COL13A1: variants seen among roughly 807,000 people sequenced by gnomAD.
The protein encoded by COL13A1 is collagen alpha-1(XIII) chain.
COL13A1 carries 89 observed loss-of-function variants against 130.9 expected under a neutral mutation model. The observed-to-expected ratio is 0.68, with a 90% CI of 0.57 to 0.81. The LOEUF (loss-of-function observed/expected upper bound fraction) is 0.81, where lower values mean the gene tolerates loss of function less well. Ranked by LOEUF, COL13A1 falls within the 30% of genes least tolerant of loss-of-function variation. The probability of loss-of-function intolerance (pLI) is 0.00; values close to 1 mark genes in which losing one functional copy is unlikely to be tolerated. For missense variants in COL13A1, 879 were observed against 934.6 expected, an observed-to-expected ratio of 0.94 and a Z score of 0.78; for synonymous variants, 402 against 341.6, an observed-to-expected ratio of 1.18 and a Z score of -1.95.
At chr10:69,936,857 AC>A in intron 33 of COL13A1, 75 bp downstream of exon 33, 1 of 1,587,266 alleles carries the variant, frequency 6.3e-7, no homozygotes, top group Non-Finnish European at 8.6e-7. Flanking sequence ...AGACCAGCTG[AC>A]CCTTTTTCCT....
chr10:69,881,201 C>T (rs770916544), intron 7 of COL13A1, among the ~76,000 whole-genome samples: 2 of 152,164 alleles, frequency 1.3e-5, no homozygotes, highest in Non-Finnish European at 2.9e-5. Flanking sequence ...CCCTGAACCA[C>T]GGGGCTTTAA....
chr10:69,852,804 G>A (rs1855287221), intron 2 of COL13A1, among the ~76,000 whole-genome samples: 1 of 152,248 alleles, frequency 6.6e-6, no homozygotes, highest in African/African-American at 2.4e-5. Flanking sequence ...GGGCAAAACT[G>A]GCAAACCCTT....
At chr10:69,828,800 A>G (rs1848129545) in intron 2 of COL13A1, among the ~76,000 whole-genome samples, 1 of 152,226 alleles carries the variant, frequency 6.6e-6, no homozygotes, top group African/African-American at 2.4e-5. Flanking sequence ...ACCCACTGGG[A>G]CAAGTAATTT....
intron 15 of COL13A1, among the ~76,000 whole-genome samples, chr10:69,903,231 T>A (rs1208384388): frequency 2.0e-5 from 3 of 152,102 alleles, no homozygotes; most frequent in Non-Finnish European, 4.4e-5. Context: ...TAGTGAGGGG[T>A]CATCCAACTA....
chr10:69,810,518 G>A (rs543237613), intron 1 of COL13A1, among the ~76,000 whole-genome samples: 3 of 152,182 alleles, frequency 2.0e-5, no homozygotes, highest in African/African-American at 7.2e-5. Flanking sequence ...AAAAGTCTCC[G>A]TGTGCACTGG....
chr10:69,887,333 G>T, intron 7 of COL13A1, 123 bp from the exon 8 acceptor site: 1 of 945,904 alleles, frequency 1.1e-6, no homozygotes, highest in South Asian at 1.5e-5. Context: ...ACCACAGTGA[G>T]TGTCCCCCAA....
At chr10:69,949,346 CT>C (rs1389949638) in intron 38 of COL13A1, among the ~76,000 whole-genome samples, 1 of 152,174 alleles carries the variant, frequency 6.6e-6, no homozygotes, top group Non-Finnish European at 1.5e-5. Context: ...CCACGCCCGG[CT>C]AATTTTTTGT....
At chr10:69,913,131 C>T (rs1270687495) in intron 17 of COL13A1, among the ~76,000 whole-genome samples, 1 of 152,250 alleles carries the variant, frequency 6.6e-6, no homozygotes, top group Non-Finnish European at 1.5e-5. Context: ...TCCATCCCTT[C>T]CTGCATTGGT....
At chr10:69,823,756 G>A (rs16926931) in intron 2 of COL13A1, among the ~76,000 whole-genome samples, 10,423 of 152,180 alleles carry the variant, frequency 0.068, 459 homozygotes, top group East Asian at 0.15. Flanking sequence ...AGGGTCGTCC[G>A]GGTTAATTAA....
At chr10:69,947,537 T>G (rs1565154949) in intron 38 of COL13A1, among the ~76,000 whole-genome samples, 195 bp downstream of exon 38, 1 of 152,172 alleles carries the variant, frequency 6.6e-6, no homozygotes, top group African/African-American at 2.4e-5. Flanking sequence ...CATGGAAGCC[T>G]GTATTTTTCC....
intron 1 of COL13A1, among the ~76,000 whole-genome samples, chr10:69,819,860 T>G (rs1845605686): frequency 6.6e-6 from 1 of 152,070 alleles, no homozygotes; most frequent in Non-Finnish European, 1.5e-5. Flanking sequence ...CACATTCCTA[T>G]CCCATGTCCT....
chr10:69,905,664 T>C, intron 16 of COL13A1, 123 bp from the exon 17 acceptor site: 1 of 1,048,448 alleles, frequency 9.5e-7, no homozygotes, highest in South Asian at 1.4e-5. Context: ...GAGATGGGTG[T>C]TGAAGGGGCA....
rs966764565 is a variant in COL13A1, at chr10:69,849,029, A to G, written c.365-18769A>G. 7.3e-4 allele frequency among the ~76,000 whole-genome samples: 111 copies of G among 152,146 alleles called. 11 individuals carry two copies. The highest frequency in any genetic ancestry group is 6.5e-5 in the Admixed American group (1 of 15,290). On this transcript the variant is annotated intron_variant, in intron 2 of 40. Transcript: ENST00000645393. ...ACCACCTGACCCATGTGGGCAATTC[A>G]TCTCCACCTCCCCTCTGGCTCAGAC...
intron 30 of COL13A1, among the ~76,000 whole-genome samples, chr10:69,930,933 C>A (rs1411266529): frequency 8.5e-5 from 13 of 152,194 alleles, no homozygotes; most frequent in Non-Finnish European, 1.6e-4. Context: ...AGCCCTATAC[C>A]CGGGAGAGGC....
chr10:69,936,075 G>A (rs1204245425), intron 32 of COL13A1, among the ~76,000 whole-genome samples: 1 of 124,158 alleles, frequency 8.1e-6, no homozygotes, highest in Admixed American at 7.8e-5. Flanking sequence ...AGGGAAGGGA[G>A]GGAGGGAGGG....
intron 10 of COL13A1, among the ~76,000 whole-genome samples, chr10:69,894,215 G>A (rs903504950): frequency 2.6e-5 from 4 of 152,230 alleles, no homozygotes; most frequent in African/African-American, 2.4e-5. Context: ...GTCTCCCAGA[G>A]GCTTGATGCA....
intron 1 of COL13A1, among the ~76,000 whole-genome samples, chr10:69,810,673 G>A (rs996026147): frequency 6.6e-6 from 1 of 152,154 alleles, no homozygotes; most frequent in South Asian, 2.1e-4. Flanking sequence ...ACAGTCTATT[G>A]AGCCCTCAGT....
intron 2 of COL13A1, among the ~76,000 whole-genome samples, chr10:69,848,243 C>T (rs560868016): frequency 3.3e-5 from 5 of 152,270 alleles, no homozygotes; most frequent in South Asian, 2.1e-4. Flanking sequence ...AGGTTGCTGG[C>T]GAAGTGTGAG....
chr10:69,876,768 C>A (rs1297372749), intron 5 of COL13A1, among the ~76,000 whole-genome samples: 1 of 152,250 alleles, frequency 6.6e-6, no homozygotes, highest in Non-Finnish European at 1.5e-5. Context: ...GATGTTGAGA[C>A]TCACTGCACC....
Sources: allele counts gnomAD v4.1 joint callset (sites outside exome capture counted in the v4.1 genomes callset), GRCh38; gene constraint gnomAD v4.1.1; transcripts MANE v1.5; gene names NCBI Gene and HGNC (gene_info 2026-07-23, HGNC 2026-07-21).